Variants in MRPL39 observed in about 807,000 individuals in gnomAD.
MRPL39 encodes the protein mitochondrial ribosomal protein L39.
A neutral mutation model predicts 44.5 loss-of-function variants in MRPL39; 35 were observed. That is an observed-to-expected ratio of 0.79 (90% CI 0.60 to 1.04). The LOEUF is 1.04. MRPL39 is among the 50% of genes least tolerant of loss of function. The pLI is 0.00. For synonymous variants in MRPL39, 139 were observed against 136.1 expected, an observed-to-expected ratio of 1.02 and a Z score of -0.15; for missense variants, 433 against 413.5, an observed-to-expected ratio of 1.05 and a Z score of -0.41.
chr21:25,588,791 A>C, intron 9 of MRPL39, 44 bp downstream of exon 9: 1 of 1,536,056 alleles, frequency 6.5e-7, no homozygotes, highest in Non-Finnish European at 8.9e-7. Context: ...ATTTTGATGA[A>C]TTTCTTTATA....
At chr21:25,606,947 G>C (rs2031695055) in intron 1 of MRPL39, among the ~76,000 whole-genome samples, 1 of 152,262 alleles carries the variant, frequency 6.6e-6, no homozygotes, top group Non-Finnish European at 1.5e-5. Context: ...GGTGAACAAA[G>C]TGGTCGGTTT....
intron 8 of MRPL39, among the ~76,000 whole-genome samples, chr21:25,590,978 T>C (rs538875997): frequency 6.2e-4 from 94 of 151,110 alleles, no homozygotes; most frequent in Non-Finnish European, 1.0e-3. Context: ...CCTACATAAA[T>C]ATGCTCAGCT....
chr21:25,587,807 C>G, intron 9 of MRPL39: 4 of 1,572,952 alleles, frequency 2.5e-6, no homozygotes, highest in Middle Eastern at 1.7e-4. Flanking sequence ...GAAAAACTAT[C>G]ATGAAGAAAT....
intron 4 of MRPL39, among the ~76,000 whole-genome samples, chr21:25,600,370 T>C (rs2031484356): frequency 8.3e-6 from 1 of 120,900 alleles, no homozygotes; most frequent in Admixed American, 1.1e-4. Context: ...CACTCCAGCC[T>C]TGGCAACACA....
Position 25,592,840 on chromosome 21 carries a change from T to C in MRPL39, c.893A>G (p.Gln298Arg). ...TAAGTGAACAGGTAAAGACACGCCC[T>C]GGAATCTTCGTATGAGACTTGGCTG... ...PTQPSLIRRF[Q>R]GVSLPVHLRA... The change falls in exon 8 of 10, where the codon CAG becomes CGG. Residue 298 changes from glutamine to arginine, a missense_variant. Transcript: ENST00000352957. 11 of 1,612,142 alleles carry C rather than the reference T, an allele frequency of 6.8e-6. No individual in the cohort carries two copies. The highest frequency in any genetic ancestry group is 8.5e-6 in the Non-Finnish European group (10 of 1,178,228).
chr21:25,605,131 A>G (rs922601239), intron 2 of MRPL39, among the ~76,000 whole-genome samples: 1 of 152,252 alleles, frequency 6.6e-6, no homozygotes, highest in Non-Finnish European at 1.5e-5. Context: ...GTTTAAGCTG[A>G]TAACTAAAGT....
At chr21:25,590,240 G>A (rs985557316) in intron 8 of MRPL39, among the ~76,000 whole-genome samples, 1 of 152,082 alleles carries the variant, frequency 6.6e-6, no homozygotes, top group African/African-American at 2.4e-5. Flanking sequence ...ATGGCTATGA[G>A]GGGAAAAGAG....
chr21:25,600,395 T>TAACAA (rs1555852899), intron 4 of MRPL39, among the ~76,000 whole-genome samples: 2 of 78,580 alleles, frequency 2.5e-5, no homozygotes, highest in Non-Finnish European at 4.8e-5. Context: ...GACTCCGTCT[T>TAACAA]AAAAAAAAAA....
intron 6 of MRPL39, among the ~76,000 whole-genome samples, chr21:25,595,488 C>T (rs2031327835): frequency 6.6e-6 from 1 of 152,194 alleles, no homozygotes; most frequent in Non-Finnish European, 1.5e-5. Context: ...GTCCCAGAAG[C>T]CGCTACCAGT....
In MRPL39 at chr21:25,606,567, C is replaced by T. The variant is rs116425917; in HGVS notation, c.162G>A (p.Arg54=). Residue 54 remains arginine, a synonymous_variant, in exon 2 of 10, where the codon AGG becomes AGA. Transcript: ENST00000352957. ...CAGTTCGGGGAGTTAATGATAACTGCCTGGCTTTCTCTTTATTAAAGAGAT... is the reference window on the plus strand; with the variant it reads ...CAGTTCGGGGAGTTAATGATAACTGTCTGGCTTTCTCTTTATTAAAGAGAT... ...RNDLFNKEKA[R]QLSLTPRTEK... 1,156 of 1,613,910 alleles carry T rather than the reference C, an allele frequency of 7.2e-4. 5 individuals are homozygous for T. The Middle Eastern group carries it at 0.011, about 15-fold the overall frequency.
intron 5 of MRPL39, among the ~76,000 whole-genome samples, chr21:25,597,719 G>A (rs1486264861): frequency 1.3e-5 from 2 of 151,986 alleles, no homozygotes; most frequent in Admixed American, 6.5e-5. Context: ...ACCTTAAAAT[G>A]TTTATTAAAA....
intron 3 of MRPL39, among the ~76,000 whole-genome samples, chr21:25,603,281 C>G (rs1601383082): frequency 1.3e-5 from 2 of 151,990 alleles, no homozygotes; most frequent in East Asian, 3.9e-4. Context: ...AGGCTGGGAA[C>G]AGATTATACA....
intron 5 of MRPL39, among the ~76,000 whole-genome samples, chr21:25,598,856 GAAAA>G (rs57011739): frequency 2.3e-4 from 31 of 136,622 alleles, no homozygotes; most frequent in African/African-American, 5.4e-4. Context: ...TTACTAAGGG[GAAAA>G]AAAAAAAAAA....
intron 5 of MRPL39, among the ~76,000 whole-genome samples, chr21:25,599,143 T>C (rs2031448829): frequency 6.6e-6 from 1 of 152,200 alleles, no homozygotes; most frequent in South Asian, 2.1e-4. Flanking sequence ...GAGCACCTGA[T>C]CTAGACTGTC....
intron 8 of MRPL39, 65 bp downstream of exon 8, chr21:25,592,746 TA>T: frequency 8.0e-7 from 1 of 1,244,150 alleles, no homozygotes; most frequent in Non-Finnish European, 1.1e-6. Flanking sequence ...CAAACTGGTA[TA>T]AAATCAAGTC....
At chr21:25,607,259 G>A (rs2123264301) in intron 1 of MRPL39, 144 bp downstream of exon 1, 3 of 860,186 alleles carry the variant, frequency 3.5e-6, no homozygotes, top group Admixed American at 2.3e-5. Flanking sequence ...CCCAAGCTGT[G>A]CAAGAGCGAC....
chr21:25,607,550 T>G (rs1019382133), upstream of MRPL39: 38 of 1,488,056 alleles, frequency 2.6e-5, no homozygotes, highest in Admixed American at 5.7e-4. Context: ...CACTCGGAGT[T>G]CCGCAGGACA....
intron 4 of MRPL39, among the ~76,000 whole-genome samples, chr21:25,601,124 G>T (rs4817034): frequency 1.3e-5 from 2 of 151,872 alleles, no homozygotes; most frequent in African/African-American, 4.8e-5. Flanking sequence ...ATAAATAAAC[G>T]CTGAGATAGT....
intron 6 of MRPL39, among the ~76,000 whole-genome samples, chr21:25,594,779 C>T (rs2031304889): frequency 6.6e-6 from 1 of 152,086 alleles, no homozygotes; most frequent in Non-Finnish European, 1.5e-5. Context: ...TATCCAAGAC[C>T]CATTTGGACA....
Sources: allele counts gnomAD v4.1 joint callset (sites outside exome capture counted in the v4.1 genomes callset), GRCh38; gene constraint gnomAD v4.1.1; transcripts MANE v1.5; gene names NCBI Gene and HGNC (gene_info 2026-07-23, HGNC 2026-07-21).